The following PAIP2 variants were observed in gnomAD, a reference collection of about 807,000 sequenced individuals.
The protein encoded by PAIP2 is poly(A) binding protein interacting protein 2, also known as polyadenylate-binding protein-interacting protein 2.
Under a neutral mutation model 14.8 loss-of-function variants are expected in PAIP2, and 7 were observed. The ratio of observed to expected loss-of-function variants is 0.47; its 90% CI spans 0.27 to 0.89. PAIP2 has a LOEUF of 0.89. Among genes scored for constraint, PAIP2 ranks in the 40% least tolerant of loss-of-function variants. The pLI, the probability that PAIP2 is intolerant of heterozygous loss-of-function variation, is 0.13. For synonymous variants in PAIP2, 47 were observed against 45.3 expected, an observed-to-expected ratio of 1.04 and a Z score of -0.15; for missense variants, 122 against 154.7, an observed-to-expected ratio of 0.79 and a Z score of 1.12.
At chr5:139,351,847 A>T (rs1174242214) in intron 1 of PAIP2, among the ~76,000 whole-genome samples, 2 of 152,108 alleles carry the variant, frequency 1.3e-5, no homozygotes, top group East Asian at 3.9e-4. Flanking sequence ...TTTTGTATAG[A>T]TGGGCTCTTG....
At chr5:139,368,636 T>TTG in intron 3 of PAIP2, 97 bp from the exon 4 acceptor site, 1 of 794,588 alleles carries the variant, frequency 1.3e-6, no homozygotes, top group East Asian at 2.6e-5. Context: ...TCTTTTGTCT[T>TTG]TTTTTTTTTG....
chr5:139,343,165 T>C (rs775610043), intron 1 of PAIP2: 4 of 152,258 alleles, frequency 2.6e-5, no homozygotes, highest in Non-Finnish European at 4.4e-5. Flanking sequence ...CTATTTGCTT[T>C]TGTGATTCTG....
intron 3 of PAIP2, among the ~76,000 whole-genome samples, chr5:139,368,163 G>A (rs534333407): frequency 9.2e-5 from 14 of 152,172 alleles, no homozygotes; most frequent in South Asian, 6.2e-4. Flanking sequence ...GTGAAACCCC[G>A]TCTTTACTAA....
intron 1 of PAIP2, among the ~76,000 whole-genome samples, chr5:139,362,290 G>A (rs150876072): frequency 2.6e-4 from 39 of 151,850 alleles, no homozygotes; most frequent in African/African-American, 6.3e-4. Flanking sequence ...GTGCAGTCTC[G>A]GCTCACTGTA....
At chr5:139,353,760 C>T (rs13167127) in intron 1 of PAIP2, among the ~76,000 whole-genome samples, 77,107 of 150,942 alleles carry the variant, frequency 0.51, 24,005 homozygotes, top group Non-Finnish European at 0.7. Context: ...CTGTTGTTGG[C>T]CCAGGCTGGA....
chr5:139,364,796 G>T, intron 3 of PAIP2, 53 bp downstream of exon 3: 1 of 1,181,272 alleles, frequency 8.5e-7, no homozygotes. Flanking sequence ...TTGCATAAGT[G>T]GAAAAGCCAG....
At chr5:139,350,097 C>A (rs1392435339) in intron 1 of PAIP2, among the ~76,000 whole-genome samples, 2 of 151,570 alleles carry the variant, frequency 1.3e-5, no homozygotes, top group African/African-American at 4.9e-5. Context: ...ATTGCTTGAA[C>A]CCTGGAGGCA....
At chr5:139,357,573 C>G (rs1255316827) in intron 1 of PAIP2, among the ~76,000 whole-genome samples, 1 of 152,162 alleles carries the variant, frequency 6.6e-6, no homozygotes, top group East Asian at 1.9e-4. Context: ...TGGCTCACGC[C>G]TGTAATCCAA....
In PAIP2 at chr5:139,366,202, C is replaced by CAAA. The variant is rs1215094572; in HGVS notation, c.318+1479_318+1481dup. 1.6e-3 allele frequency among the ~76,000 whole-genome samples: 40 copies of CAAA among 25,132 alleles called. 1 individual carries two copies. The highest frequency in any genetic ancestry group is 4.9e-3 in the East Asian group (4 of 814). The allele number at this position is 25,132 out of a possible 152,430, so 16.5% of individuals were successfully genotyped here. A position where few individuals can be genotyped will look rare whatever the true frequency, so the allele number is the denominator to read the frequency against. Reference sequence around the variant, plus strand: ...TGGGCGACAGAGTGAGACTCCACCTCAAAAAAAAAAAAAAAAAAAAAAGCG... The same window carrying CAAA: ...TGGGCGACAGAGTGAGACTCCACCTCAAAAAAAAAAAAAAAAAAAAAAAAAGCG... On this transcript the variant is annotated intron_variant, in intron 3 of 3. Coordinates refer to ENST00000265192, the MANE Select transcript of PAIP2 (RefSeq NM_016480.5).
Position 139,369,175 on chromosome 5 carries a change from CAT to C in PAIP2, c.*380_*381del, listed in dbSNP as rs1209295774. On this transcript the variant is annotated 3_prime_UTR_variant, in exon 4 of 4. Coordinates refer to ENST00000265192, the MANE Select transcript of PAIP2 (RefSeq NM_016480.5). ...TTTAATTTGAGTTCCAACTGTTAAG[CAT>C]ATTTCTCAGACTTAAATTTGATTAT... 6.3e-6 allele frequency: 1 copy of C among 158,758 alleles called. No homozygotes were observed. The highest frequency in any genetic ancestry group is 1.4e-5 in the Non-Finnish European group (1 of 72,394). 9.8% of individuals were successfully genotyped at this position (158,758 alleles called of 1,614,324 possible).
Position 139,348,758 on chromosome 5 carries a change from A to G in PAIP2, c.-27+6778A>G, listed in dbSNP as rs558328297. 2.7e-5 allele frequency among the ~76,000 whole-genome samples: 4 copies of G among 149,254 alleles called. No individual in the cohort carries two copies. The East Asian group carries it at 6.0e-4, about 22-fold the overall frequency. ...CAGGACACAGTCTTGGCTCACTGCA[A>G]CCTCTGCCTCCCAGGTTCAAGCAAT... On this transcript the variant is annotated intron_variant, in intron 1 of 3. Transcript: ENST00000265192.
intron 1 of PAIP2, chr5:139,343,194 C>G (rs1391050759): frequency 1.3e-5 from 2 of 152,170 alleles, no homozygotes; most frequent in African/African-American, 4.8e-5. Flanking sequence ...TAGTGAAAGA[C>G]AGGATATTTG....
chr5:139,347,726 A>G (rs1373266614), intron 1 of PAIP2, among the ~76,000 whole-genome samples: 1 of 152,198 alleles, frequency 6.6e-6, no homozygotes, highest in African/African-American at 2.4e-5. Flanking sequence ...CATGTACCCT[A>G]AAACTTAAAG....
chr5:139,358,843 T>C (rs1236208433), intron 1 of PAIP2, among the ~76,000 whole-genome samples: 2 of 152,188 alleles, frequency 1.3e-5, no homozygotes, highest in Non-Finnish European at 2.9e-5. Context: ...AGACTAGTGG[T>C]TGTCCAAGTT....
chr5:139,346,753 C>T (rs925106861), intron 1 of PAIP2, among the ~76,000 whole-genome samples: 7 of 152,034 alleles, frequency 4.6e-5, no homozygotes, highest in Admixed American at 3.9e-4. Context: ...TGGCCTCAAT[C>T]TCTTGACCTC....
At chr5:139,360,514 A>T (rs1346261074) in intron 1 of PAIP2, among the ~76,000 whole-genome samples, 2 of 152,004 alleles carry the variant, frequency 1.3e-5, no homozygotes, top group African/African-American at 4.8e-5. Context: ...GTTTTTCAAG[A>T]TAGGGTCTTG....
At chr5:139,360,693 G>A (rs1356819775) in intron 1 of PAIP2, among the ~76,000 whole-genome samples, 1 of 151,838 alleles carries the variant, frequency 6.6e-6, no homozygotes, top group African/African-American at 2.4e-5. Context: ...AAACTCCTGG[G>A]CTCAAGCGAT....
rs534592795 is a variant in PAIP2 at position 139,364,497 on chromosome 5, A to G, written c.139-67A>G. 1.6e-5 allele frequency: 15 copies of G among 929,390 alleles called. No individual in the cohort carries two copies. The South Asian group carries it at 2.1e-4, about 13-fold the overall frequency. The allele number at this position is 929,390 out of a possible 1,614,324, so 57.6% of individuals were successfully genotyped here. ...GTGCCTTTAAATGGTTTAGTTCAAGATATTTTAAGCCATTCCTAGTGATAT... is the reference window on the plus strand; with the variant it reads ...GTGCCTTTAAATGGTTTAGTTCAAGGTATTTTAAGCCATTCCTAGTGATAT... On this transcript the variant is annotated intron_variant, in intron 2 of 3. Coordinates refer to ENST00000265192, the MANE Select transcript of PAIP2 (RefSeq NM_016480.5).
At chr5:139,356,149 G>A (rs190540054) in intron 1 of PAIP2, among the ~76,000 whole-genome samples, 44 of 148,628 alleles carry the variant, frequency 3.0e-4, no homozygotes, top group African/African-American at 1.1e-3. Flanking sequence ...AAAACGATAC[G>A]TTAAATAAAT....
Sources: gnomAD v4.1 joint callset for allele counts (sites outside exome capture counted in the v4.1 genomes callset) on GRCh38, gnomAD v4.1.1 for gene constraint, MANE v1.5 for transcripts, NCBI Gene and HGNC (gene_info 2026-07-23, HGNC 2026-07-21) for gene names.